Variants in DIAPH1 observed in about 807,000 individuals in gnomAD.
DIAPH1 encodes protein diaphanous homolog 1.
DIAPH1 carries 46 observed loss-of-function variants against 140.7 expected under a neutral mutation model. The observed-to-expected ratio is 0.33, with a 90% CI of 0.26 to 0.42. The LOEUF is 0.42. DIAPH1 is among the 10% of genes least tolerant of loss of function. DIAPH1 has a pLI of 1.00. For missense variants in DIAPH1, 1,310 were observed against 1,558.7 expected (o/e 0.84, Z 2.69); for synonymous variants, 565 against 551.6 (o/e 1.02, Z -0.34).
At chr5:141,576,149 A>T in intron 14 of DIAPH1, 81 bp downstream of exon 14, 1 of 1,226,476 alleles carries the variant, frequency 8.2e-7, no homozygotes, top group Non-Finnish European at 1.2e-6. Flanking sequence ...CCACAGAGGA[A>T]AACTGTCTCA....
chr5:141,610,314 T>C (rs534978351), intron 1 of DIAPH1, among the ~76,000 whole-genome samples: 4 of 152,032 alleles, frequency 2.6e-5, no homozygotes, highest in African/African-American at 9.6e-5. Context: ...TTGTTTTGTT[T>C]TGTTTTTGAG....
Position 141,522,815 on chromosome 5 carries a change from C to T in DIAPH1, c.3661+1328G>A, listed in dbSNP as rs565209107. Among the ~76,000 whole-genome samples, 9 of 152,282 alleles carry T rather than the reference C, an allele frequency of 5.9e-5. No individual in the cohort carries two copies. The East Asian group carries it at 7.7e-4, about 13-fold the overall frequency. On this transcript the variant is annotated intron_variant, in intron 27 of 27. Transcript: ENST00000389054. ...AGCTCTTCATATCCACTTCTCCCCA[C>T]GCTTTAGAAAGCCTGTACTCAGAGA...
chr5:141,561,234 G>A (rs1256011680), intron 18 of DIAPH1, among the ~76,000 whole-genome samples: 1 of 152,142 alleles, frequency 6.6e-6, no homozygotes, highest in East Asian at 1.9e-4. Context: ...TCTAAGAAGA[G>A]TTGGGGTTAT....
At chr5:141,538,773 C>T (rs2099889489) in intron 18 of DIAPH1, among the ~76,000 whole-genome samples, 1 of 152,046 alleles carries the variant, frequency 6.6e-6, no homozygotes, top group African/African-American at 2.4e-5. Flanking sequence ...GACACAGTTT[C>T]GCCACTTTGC....
chr5:141,529,021 G>A, intron 21 of DIAPH1, 80 bp from the exon 22 acceptor site: 1 of 1,603,784 alleles, frequency 6.2e-7, no homozygotes. Context: ...GCCTCCTATG[G>A]GAGGATCACA....
At position 141,527,634 on chromosome 5, in the gene DIAPH1, C is replaced by G. The variant is rs538492176; in HGVS notation, c.3212G>C (p.Arg1071Pro). The change falls in exon 24 of 28, where the codon CGT (arginine) becomes CCT (proline). Residue 1071 changes from arginine (R) to proline (P), a missense_variant. By Grantham distance (103) the Arg-to-Pro change is moderately radical (BLOSUM62 -2). Transcript: ENST00000389054. ...GGCAGCTGGGAAATTCTGAACATCA[C>G]GTTCCACATCAGAAATTTGTTTCTT... Reference protein sequence around the residue: ...QMKKQISDVERDVQNFPAATD... With the variant: ...QMKKQISDVEPDVQNFPAATD... 6.3e-7 allele frequency: 1 copy of G among 1,596,638 alleles called. No homozygotes were observed. The highest frequency in any genetic ancestry group is 1.1e-5 in the South Asian group (1 of 90,452).
intron 17 of DIAPH1, 44 bp from the exon 18 acceptor site, chr5:141,571,480 G>T: frequency 6.4e-7 from 1 of 1,565,530 alleles, no homozygotes; most frequent in Non-Finnish European, 8.8e-7. Flanking sequence ...TCCAATATTG[G>T]AAAGAAATGG....
intron 18 of DIAPH1, among the ~76,000 whole-genome samples, chr5:141,540,515 C>T (rs140378190): frequency 0.023 from 3,472 of 151,648 alleles, 54 homozygotes; most frequent in East Asian, 0.046. Flanking sequence ...CTCCTGACCT[C>T]GTGATCCACC....
chr5:141,579,261 T>A, intron 8 of DIAPH1, 65 bp from the exon 9 acceptor site: 2 of 1,172,114 alleles, frequency 1.7e-6, no homozygotes, highest in Non-Finnish European at 2.6e-6. Flanking sequence ...GTATAATGAG[T>A]AAATTACACA....
intron 18 of DIAPH1, chr5:141,561,682 A>G (rs1019997246): frequency 6.6e-6 from 1 of 152,196 alleles, no homozygotes; most frequent in East Asian, 1.9e-4. Context: ...ATTCCCTTCT[A>G]ATCTTTCACT....
Position 141,546,522 on chromosome 5 carries a change from G to A in DIAPH1, c.2483-12089C>T, listed in dbSNP as rs2099890818. Among the ~76,000 whole-genome samples the A allele has an allele frequency of 2.0e-5, 3 of 152,130 alleles. No homozygotes were observed. In the South Asian group the frequency reaches 6.2e-4, roughly 31 times the overall value. On this transcript the variant is annotated intron_variant, in intron 18 of 27. Transcript: ENST00000389054. ...AATACAAAAATGAGTCGGGCATGATGGCAGGTGCCTGTAATCCCAGCTACT... is the reference window on the plus strand; with the variant it reads ...AATACAAAAATGAGTCGGGCATGATAGCAGGTGCCTGTAATCCCAGCTACT...
At chr5:141,591,214 C>A (rs1471121114) in intron 1 of DIAPH1, among the ~76,000 whole-genome samples, 2 of 152,072 alleles carry the variant, frequency 1.3e-5, no homozygotes, top group Non-Finnish European at 2.9e-5. Context: ...TTTCACAACT[C>A]CAACAGGCCC....
chr5:141,598,882 C>T (rs912961033), intron 1 of DIAPH1, among the ~76,000 whole-genome samples: 13 of 152,254 alleles, frequency 8.5e-5, no homozygotes, highest in African/African-American at 3.1e-4. Flanking sequence ...ATTAATACTT[C>T]AGCTTTTTAA....
At chr5:141,560,938 A>AG (rs1357439267) in intron 18 of DIAPH1, 9 of 449,218 alleles carry the variant, frequency 2.0e-5, no homozygotes, top group Admixed American at 2.4e-5. Flanking sequence ...GGGAAAGATG[A>AG]GGGGGGGAAG....
At chr5:141,572,767 CA>C (rs34465200) in intron 16 of DIAPH1, among the ~76,000 whole-genome samples, 87,316 of 132,250 alleles carry the variant, frequency 0.66, 27,635 homozygotes, top group African/African-American at 0.77. Flanking sequence ...GACTCCAACT[CA>C]AAAAAAAAAA....
intron 1 of DIAPH1, among the ~76,000 whole-genome samples, chr5:141,596,038 G>C (rs2099899261): frequency 6.6e-6 from 1 of 151,974 alleles, no homozygotes; most frequent in South Asian, 2.1e-4. Context: ...TTAAAAATCA[G>C]CCAGGCATGG....
intron 18 of DIAPH1, among the ~76,000 whole-genome samples, chr5:141,559,551 G>A (rs912259221): frequency 4.6e-5 from 7 of 152,228 alleles, no homozygotes. Flanking sequence ...ACAGATATAA[G>A]TCTGGAAGGG....
At chr5:141,520,596 C>A in intron 27 of DIAPH1, among the ~76,000 whole-genome samples, 2 of 152,190 alleles carry the variant, frequency 1.3e-5, no homozygotes, top group East Asian at 3.9e-4. Context: ...CTACAGTCTG[C>A]AGAACTGTCA....
At chr5:141,531,228 CAG>C (rs1321686262) in intron 19 of DIAPH1, among the ~76,000 whole-genome samples, 5 of 152,162 alleles carry the variant, frequency 3.3e-5, no homozygotes, top group South Asian at 2.1e-4. Flanking sequence ...CCACTTTCCG[CAG>C]AGTGACCTAA....
Sources: allele counts gnomAD v4.1 joint callset (sites outside exome capture counted in the v4.1 genomes callset), GRCh38; gene constraint gnomAD v4.1.1; transcripts MANE v1.5; gene names NCBI Gene and HGNC (gene_info 2026-07-23, HGNC 2026-07-21).